Variants in LAMA2 observed in about 807,000 individuals in gnomAD.
The protein encoded by LAMA2 is laminin subunit alpha 2.
LAMA2 carries 269 observed loss-of-function variants against 364.8 expected under a neutral mutation model. The observed-to-expected ratio is 0.74, with a 90% CI of 0.67 to 0.82. The LOEUF (loss-of-function observed/expected upper bound fraction) is 0.82, where lower values mean the gene tolerates loss of function less well. Ranked by LOEUF, LAMA2 falls within the 40% of genes least tolerant of loss-of-function variation. LAMA2 has a pLI of 0.00. For missense variants in LAMA2, 3,807 were observed against 3,873.2 expected, an observed-to-expected ratio of 0.98 and a Z score of 0.45; for synonymous variants, 1,379 against 1,370.6, an observed-to-expected ratio of 1.01 and a Z score of -0.14.
intron 11 of LAMA2, among the ~76,000 whole-genome samples, chr6:129,192,258 G>GT (rs1781561558): frequency 4.6e-5 from 7 of 152,132 alleles, no homozygotes; most frequent in Admixed American, 4.6e-4. Flanking sequence ...TTTTCAGGTT[G>GT]TTTTTTCCAA....
At chr6:129,506,822 T>C (rs1583926228) in intron 61 of LAMA2, among the ~76,000 whole-genome samples, 1 of 152,202 alleles carries the variant, frequency 6.6e-6, no homozygotes, top group East Asian at 1.9e-4. Context: ...TCATAGGTAT[T>C]GGATATGCTT....
chr6:129,036,287 G>A (rs922683601), intron 1 of LAMA2, among the ~76,000 whole-genome samples: 2 of 151,986 alleles, frequency 1.3e-5, no homozygotes, highest in Non-Finnish European at 2.9e-5. Flanking sequence ...TTTAATCACA[G>A]CAAATTTATG....
chr6:129,269,313 C>T (rs544748927), intron 16 of LAMA2, among the ~76,000 whole-genome samples: 13 of 150,830 alleles, frequency 8.6e-5, no homozygotes, highest in South Asian at 4.2e-4. Flanking sequence ...AAAGCACTTT[C>T]GTAACAGGAC....
At chr6:129,423,803 G>C (rs1299198618) in intron 40 of LAMA2, among the ~76,000 whole-genome samples, 1 of 152,044 alleles carries the variant, frequency 6.6e-6, no homozygotes, top group Non-Finnish European at 1.5e-5. Context: ...TCATAGATCA[G>C]AAGATTCAAT....
intron 3 of LAMA2, among the ~76,000 whole-genome samples, chr6:129,088,906 C>G (rs944978639): frequency 6.6e-6 from 1 of 151,774 alleles, no homozygotes; most frequent in African/African-American, 2.4e-5. Context: ...ACTTCCCAGA[C>G]GGGGTGGCGG....
intron 12 of LAMA2, among the ~76,000 whole-genome samples, chr6:129,239,442 T>C (rs1785242549): frequency 6.6e-6 from 1 of 152,210 alleles, no homozygotes; most frequent in African/African-American, 2.4e-5. Context: ...CTAATTGCTA[T>C]TCTATTACCC....
rs536825211 is a variant in LAMA2, at chr6:129,473,251, G to A, written c.7338G>A (p.Glu2446=). 24 of 1,605,124 alleles carry A rather than the reference G, an allele frequency of 1.5e-5. No individual in the cohort carries two copies. In the South Asian group the frequency reaches 2.4e-4, roughly 16 times the overall value. The change falls in exon 52 of 65, where the codon GAG becomes GAA. Residue 2446 remains glutamate (E), a synonymous_variant. Coordinates refer to ENST00000421865, the MANE Select transcript of LAMA2 (RefSeq NM_000426.4). ...ISIVDIDTNQ[E]ENIATSSSGN... Reference sequence around the variant, plus strand: ...TTGTAGATATAGATACTAATCAGGAGGAGAATATAGCAACTTCGTCTTCTG... The same window carrying A: ...TTGTAGATATAGATACTAATCAGGAAGAGAATATAGCAACTTCGTCTTCTG...
rs1289298927 is a variant in LAMA2, at chr6:129,502,751, T to A, written c.8337T>A (p.Asp2779Glu). The A allele has an allele frequency of 5.6e-6, 9 of 1,612,738 alleles. No individual in the cohort carries two copies. Among genetic ancestry groups the A allele is most frequent in the Non-Finnish European group, 7.6e-6 (9 of 1,178,764 alleles). The change falls in exon 59 of 65, where the codon GAT becomes GAA. Residue 2779 changes from aspartate to glutamate, a missense_variant. This residue lies in a region of LAMA2 where 3,333 missense variants were observed against 3,345.7 expected (regional missense o/e 1.00). Coordinates refer to ENST00000421865, the MANE Select transcript of LAMA2 (RefSeq NM_000426.4). ...SRNSHIAIAFDDTKVKNRLTI... is the reference protein window; with the variant it reads ...SRNSHIAIAFEDTKVKNRLTI... ...ACAGTCACATTGCAATTGCATTTGA[T>A]GACACCAAAGTTAAAAACCGGTATG... is the stretch of plus-strand genomic sequence containing the variant.
In LAMA2 at chr6:129,349,352, T is replaced by C. The variant is rs1391313382; in HGVS notation, c.4491T>C (p.Cys1497=). 20 of 1,613,456 alleles carry C rather than the reference T, an allele frequency of 1.2e-5. 1 individual carries two copies. Among genetic ancestry groups the C allele is most frequent in the Non-Finnish European group, 1.7e-5 (20 of 1,179,640 alleles). Residue 1497 remains cysteine (C), a synonymous_variant, in exon 31 of 65, where the codon TGT becomes TGC. Coordinates refer to ENST00000421865, the MANE Select transcript of LAMA2 (RefSeq NM_000426.4). ...EGLDDYRCTA[C]PRGYEGQYCE... is the part of the protein sequence containing the mutation. ...TTGACGACTACCGCTGCACGGCTTG[T>C]CCACGGGGATATGAAGGCCAGTACT...
At position 129,204,676 on chromosome 6, in the gene LAMA2, A is replaced by T. The variant is rs547660582; in HGVS notation, c.1782+11823A>T. On this transcript the variant is annotated intron_variant, in intron 12 of 64. Transcript: ENST00000421865. ...CTGTGAAACAATACATTTCTGTTGT[A>T]TAAGCCACCCAGTCTATGGTATTTT... 1.6e-4 allele frequency among the ~76,000 whole-genome samples: 24 copies of T among 152,318 alleles called. No individual in the cohort carries two copies. In the South Asian group the frequency reaches 2.7e-3, roughly 17 times the overall value.
chr6:128,977,132 C>T (rs1043034070), intron 1 of LAMA2, among the ~76,000 whole-genome samples: 1 of 6,720 alleles, frequency 1.5e-4, no homozygotes, highest in African/African-American at 1.8e-4. Flanking sequence ...AATTTTCAGC[C>T]TCTCTTTTTT....
chr6:128,948,761 T>A (rs1356539873), intron 1 of LAMA2, among the ~76,000 whole-genome samples: 1 of 152,024 alleles, frequency 6.6e-6, no homozygotes, highest in Non-Finnish European at 1.5e-5. Flanking sequence ...TTAAAAGAAA[T>A]TGGGATCTCC....
chr6:129,042,238 GA>G (rs1333389059), intron 1 of LAMA2, among the ~76,000 whole-genome samples: 1 of 152,052 alleles, frequency 6.6e-6, no homozygotes, highest in Non-Finnish European at 1.5e-5. Context: ...CTGAGAGGCG[GA>G]GGTTGCAGTG....
intron 1 of LAMA2, among the ~76,000 whole-genome samples, chr6:128,895,972 C>A (rs1423358855): frequency 6.6e-6 from 1 of 152,092 alleles, no homozygotes; most frequent in East Asian, 1.9e-4. Flanking sequence ...GATCTGGTTT[C>A]TTTTTCTTAT....
At chr6:129,392,844 C>T (rs1318461327) in intron 36 of LAMA2, among the ~76,000 whole-genome samples, 2 of 152,176 alleles carry the variant, frequency 1.3e-5, no homozygotes, top group Non-Finnish European at 1.5e-5. Flanking sequence ...AAATCTGTTT[C>T]GCTTTTATTT....
At chr6:129,181,710 G>C (rs1443362996) in intron 10 of LAMA2, among the ~76,000 whole-genome samples, 1 of 151,794 alleles carries the variant, frequency 6.6e-6, no homozygotes, top group African/African-American at 2.4e-5. Context: ...TCACAGAATT[G>C]TAAAATTGAA....
At chr6:129,023,237 G>A (rs1437042695) in intron 1 of LAMA2, among the ~76,000 whole-genome samples, 1 of 151,972 alleles carries the variant, frequency 6.6e-6, no homozygotes, top group South Asian at 2.1e-4. Flanking sequence ...ATTCTTTATG[G>A]CATTTAACAT....
chr6:129,301,538 T>C (rs1413246043), intron 22 of LAMA2, among the ~76,000 whole-genome samples: 1 of 152,104 alleles, frequency 6.6e-6, no homozygotes, highest in Non-Finnish European at 1.5e-5. Flanking sequence ...GGTGAATTCA[T>C]TGATTTGGGG....
At chr6:129,346,594 T>C (rs1776568237) in intron 30 of LAMA2, among the ~76,000 whole-genome samples, 1 of 152,102 alleles carries the variant, frequency 6.6e-6, no homozygotes, top group Non-Finnish European at 1.5e-5. Flanking sequence ...TTGTAAATTC[T>C]TTGAAGGTAA....
Sources: allele counts gnomAD v4.1 joint callset (sites outside exome capture counted in the v4.1 genomes callset), GRCh38; gene constraint gnomAD v4.1.1; regional missense constraint gnomAD v4.1.1; transcripts MANE v1.5; gene names NCBI Gene and HGNC (gene_info 2026-07-23, HGNC 2026-07-21).